Variants in NPSR1 observed in about 807,000 individuals in gnomAD.
NPSR1 encodes the protein neuropeptide S receptor.
A neutral mutation model predicts 46.9 loss-of-function variants in NPSR1; 48 were observed. The observed-to-expected ratio is 1.02, with a 90% confidence interval of 0.81 to 1.30. The LOEUF is 1.30. NPSR1 is among the 50% of genes most tolerant of loss of function. The pLI, the probability that NPSR1 is intolerant of heterozygous loss-of-function variation, is 0.00. For synonymous variants in NPSR1, 176 were observed against 168.1 expected, an observed-to-expected ratio of 1.05 and a Z score of -0.36; for missense variants, 450 against 449.5, an observed-to-expected ratio of 1.00 and a Z score of -0.01.
At chr7:34,829,479 C>T (rs190221427) in intron 5 of NPSR1, among the ~76,000 whole-genome samples, 4 of 152,326 alleles carry the variant, frequency 2.6e-5, no homozygotes, top group East Asian at 1.9e-4. Flanking sequence ...TGAGCCACAG[C>T]GGTCAGAGAG....
At chr7:34,824,066 A>C (rs1789709676) in intron 4 of NPSR1, among the ~76,000 whole-genome samples, 2 of 152,196 alleles carry the variant, frequency 1.3e-5, no homozygotes, top group African/African-American at 4.8e-5. Context: ...TTTTCAGAGG[A>C]AAAAAATTAG....
intron 8 of NPSR1, among the ~76,000 whole-genome samples, chr7:34,867,078 G>T (rs1791330602): frequency 6.6e-6 from 1 of 151,554 alleles, no homozygotes; most frequent in Non-Finnish European, 1.5e-5. Context: ...GGTGAAAGAG[G>T]CTCTGAGCAC....
intron 3 of NPSR1, among the ~76,000 whole-genome samples, chr7:34,783,616 T>C (rs997913999): frequency 1.6e-4 from 25 of 152,120 alleles, no homozygotes; most frequent in African/African-American, 5.5e-4. Flanking sequence ...GCAGAATAGT[T>C]TGCAAATCTG....
chr7:34,791,854 T>C (rs574040882), intron 3 of NPSR1, among the ~76,000 whole-genome samples: 1 of 152,182 alleles, frequency 6.6e-6, no homozygotes, highest in Admixed American at 6.6e-5. Context: ...GGCAGACATA[T>C]AGACAGATGA....
At chr7:34,825,938 C>T (rs1789812798) in intron 4 of NPSR1, among the ~76,000 whole-genome samples, 1 of 152,116 alleles carries the variant, frequency 6.6e-6, no homozygotes, top group Non-Finnish European at 1.5e-5. Flanking sequence ...GAAGCAAGCC[C>T]ACCTAGGGAG....
chr7:34,722,958 C>A (rs1183296483), intron 2 of NPSR1, among the ~76,000 whole-genome samples: 2 of 152,142 alleles, frequency 1.3e-5, no homozygotes, highest in African/African-American at 4.8e-5. Context: ...AAGTGAGTGT[C>A]CCATTATTTG....
At chr7:34,810,848 C>T (rs1227928945) in intron 3 of NPSR1, among the ~76,000 whole-genome samples, 3 of 152,164 alleles carry the variant, frequency 2.0e-5, no homozygotes, top group African/African-American at 4.8e-5. Flanking sequence ...AATTCTAGCA[C>T]CAGGAACCAA....
intron 2 of NPSR1, among the ~76,000 whole-genome samples, chr7:34,759,155 T>A (rs1786031350): frequency 6.6e-6 from 1 of 152,214 alleles, no homozygotes; most frequent in African/African-American, 2.4e-5. Context: ...AAGATACTAT[T>A]TTTCCTTTTG....
rs537561131 is a variant in NPSR1 at position 34,798,459 on chromosome 7, C to T, written c.385-13311C>T. The stretch of plus-strand genomic sequence containing the variant: ...CTGAAGCAGGAGAATCTCTTGAACC[C>T]GGAAGGCGAAGGTTGCAGTGATCCA... On this transcript the variant is annotated intron_variant, in intron 3 of 8. Transcript: ENST00000360581. 4.4e-4 allele frequency among the ~76,000 whole-genome samples: 67 copies of T among 152,150 alleles called. 1 individual carries two copies. In the South Asian group the frequency reaches 0.011, roughly 25 times the overall value.
chr7:34,663,337 C>A (rs112184209), intron 1 of NPSR1, among the ~76,000 whole-genome samples: 1 of 151,978 alleles, frequency 6.6e-6, no homozygotes, highest in South Asian at 2.1e-4. Flanking sequence ...TCAATCCCAG[C>A]GATAATTTCT....
At chr7:34,669,041 A>T (rs1317687148) in intron 1 of NPSR1, among the ~76,000 whole-genome samples, 1 of 152,178 alleles carries the variant, frequency 6.6e-6, no homozygotes, top group African/African-American at 2.4e-5. Context: ...AATAGTTAAT[A>T]ATCCAAAAAC....
At chr7:34,790,769 AATATATGTTATATGTTAT>A (rs1787731224) in intron 3 of NPSR1, among the ~76,000 whole-genome samples, 1 of 118,974 alleles carries the variant, frequency 8.4e-6, no homozygotes, top group Non-Finnish European at 1.8e-5. Flanking sequence ...TGTTATATAT[AATATATGTTATATGTTAT>A]ATATATGTTA....
At chr7:34,823,112 C>G (rs973914912) in intron 4 of NPSR1, among the ~76,000 whole-genome samples, 4 of 151,988 alleles carry the variant, frequency 2.6e-5, no homozygotes, top group African/African-American at 9.7e-5. Flanking sequence ...TAAATGAGAC[C>G]AGGCGCTGTG....
chr7:34,664,617 A>T (rs4720161), intron 1 of NPSR1, among the ~76,000 whole-genome samples: 33,007 of 111,060 alleles, frequency 0.3, 3,744 homozygotes, highest in African/African-American at 0.4. Context: ...TCTTTTTTTT[A>T]AAAAAAAAAA....
At chr7:34,712,484 C>T (rs1279328547) in intron 2 of NPSR1, among the ~76,000 whole-genome samples, 1 of 152,158 alleles carries the variant, frequency 6.6e-6, no homozygotes, top group South Asian at 2.1e-4. Flanking sequence ...CAGTTAGTTA[C>T]AATGTTCCAT....
intron 2 of NPSR1, among the ~76,000 whole-genome samples, chr7:34,731,640 C>T (rs1275112070): frequency 6.6e-6 from 1 of 152,168 alleles, no homozygotes; most frequent in African/African-American, 2.4e-5. Context: ...TCTTGGAAAA[C>T]AATGCCCCAG....
At position 34,821,178 on chromosome 7, in the gene NPSR1, G is replaced by C. The variant is rs574409187; in HGVS notation, c.479-6223G>C. 3.6e-3 allele frequency among the ~76,000 whole-genome samples: 502 copies of C among 140,934 alleles called. 3 individuals are homozygous for C. The highest frequency in any genetic ancestry group is 0.013 in the African/African-American group (487 of 38,490). The allele number at this position is 140,934 out of a possible 152,430, so 92.5% of individuals were successfully genotyped here. A position where few individuals can be genotyped will look rare whatever the true frequency, so the allele number is the denominator to read the frequency against. Reference sequence around the variant, plus strand: ...TAGACAGAGTCTCACTCTGTCGCCCGGGCTAGAGCGCAGTGGCGCGATCTC... The same window carrying C: ...TAGACAGAGTCTCACTCTGTCGCCCCGGCTAGAGCGCAGTGGCGCGATCTC... On this transcript the variant is annotated intron_variant, in intron 4 of 8. Transcript: ENST00000360581.
intron 1 of NPSR1, among the ~76,000 whole-genome samples, chr7:34,681,922 A>C (rs10282306): frequency 0.18 from 26,942 of 152,146 alleles, 3,493 homozygotes; most frequent in African/African-American, 0.36. Context: ...TGATTATATA[A>C]TTGACTATCC....
At chr7:34,838,681 A>G (rs1052486235) in intron 6 of NPSR1, among the ~76,000 whole-genome samples, 1 of 152,174 alleles carries the variant, frequency 6.6e-6, no homozygotes, top group South Asian at 2.1e-4. Context: ...AAATATGTCT[A>G]TTTTCTCCCA....
Sources: gnomAD v4.1 joint callset for allele counts (sites outside exome capture counted in the v4.1 genomes callset) on GRCh38, gnomAD v4.1.1 for gene constraint, MANE v1.5 for transcripts, NCBI Gene and HGNC (gene_info 2026-07-23, HGNC 2026-07-21) for gene names.